The following DOCK1 variants were observed in gnomAD, a reference collection of about 807,000 sequenced individuals.
DOCK1 encodes the protein dedicator of cytokinesis 1, also known as dedicator of cytokinesis protein 1.
In DOCK1, 138 loss-of-function variants were observed where a neutral mutation model predicts 262.7. That is an observed-to-expected ratio of 0.53 (90% CI 0.46 to 0.61). The LOEUF is 0.61. Ranked by LOEUF, DOCK1 falls within the 20% of genes least tolerant of loss-of-function variation. The pLI, the probability that DOCK1 is intolerant of heterozygous loss-of-function variation, is 0.00. For synonymous variants in DOCK1, 866 were observed against 867.4 expected, an observed-to-expected ratio of 1.00 and a Z score of 0.03; for missense variants, 1,908 against 2,370.7, an observed-to-expected ratio of 0.80 and a Z score of 4.05.
At chr10:127,121,801 T>G (rs1378707557) in intron 25 of DOCK1, among the ~76,000 whole-genome samples, 1 of 152,228 alleles carries the variant, frequency 6.6e-6, no homozygotes, top group Non-Finnish European at 1.5e-5. Context: ...ATATTTGTAT[T>G]ATTGTTATTA....
intron 44 of DOCK1, 32 bp from the exon 45 acceptor site, chr10:127,418,333 G>A: frequency 6.4e-7 from 1 of 1,572,708 alleles, no homozygotes; most frequent in South Asian, 1.2e-5. Flanking sequence ...GCAGCTGTGG[G>A]GCTGACATCG....
At chr10:127,020,332 C>G (rs2042322127) in intron 13 of DOCK1, among the ~76,000 whole-genome samples, 1 of 152,114 alleles carries the variant, frequency 6.6e-6, no homozygotes, top group Admixed American at 6.5e-5. Flanking sequence ...TCCTCATGTT[C>G]AAAGGGAAAC....
chr10:127,197,179 T>C (rs1008974579), intron 27 of DOCK1, among the ~76,000 whole-genome samples: 3 of 152,038 alleles, frequency 2.0e-5, no homozygotes, highest in Admixed American at 6.5e-5. Context: ...CCTGGTAATG[T>C]TGCATGCTGA....
chr10:127,017,035 CCACA>C lies in DOCK1; in HGVS notation c.1202-1654_1202-1651del, dbSNP rs147295824. On this transcript the variant is annotated intron_variant, in intron 12 of 51. Transcript: ENST00000623213. ...AAACACAGATATGCAGATACAGATA[CCACA>C]CACACACACACACACACACAGATGC... Among the ~76,000 whole-genome samples, 375 of 108,294 alleles carry C rather than the reference CCACA, an allele frequency of 3.5e-3. 19 individuals carry two copies. Among genetic ancestry groups the C allele is most frequent in the South Asian group, 9.0e-3 (28 of 3,094 alleles). The allele number at this position is 108,294 out of a possible 152,430, so 71.0% of individuals were successfully genotyped here.
intron 1 of DOCK1, among the ~76,000 whole-genome samples, chr10:126,955,833 G>A (rs2036691250): frequency 6.6e-6 from 1 of 152,132 alleles, no homozygotes; most frequent in African/African-American, 2.4e-5. Flanking sequence ...GCTCTCTAGG[G>A]AAGGAAAATT....
In DOCK1 at chr10:127,024,791, T is replaced by C; in HGVS notation, c.1551+8T>C. On this transcript the variant is annotated splice_region_variant and intron_variant, in intron 15 of 51. Transcript: ENST00000623213. ...TGGTTTGAGACTGTTAAGGTATTAT[T>C]TACATGGTCATTTTATCACATGGCG... The C allele has an allele frequency of 1.3e-6, 2 of 1,591,448 alleles. No individual in the cohort carries two copies. Among genetic ancestry groups the C allele is most frequent in the Non-Finnish European group, 1.7e-6 (2 of 1,165,918 alleles).
At chr10:127,119,451 G>C (rs35716223) in intron 25 of DOCK1, among the ~76,000 whole-genome samples, 23,984 of 152,264 alleles carry the variant, frequency 0.16, 2,255 homozygotes, top group African/African-American at 0.26. Context: ...GTGGGGCTAA[G>C]GAGATGGCTC....
In DOCK1 at chr10:127,410,944, C is replaced by A; in HGVS notation, c.4428+20C>A. ...TTTGCGGTAAAAAACAAACAAACCA[C>A]CAAACCAAACAACAAAAAATATCAT... On this transcript the variant is annotated intron_variant, in intron 43 of 51. Transcript: ENST00000623213. The A allele has an allele frequency of 6.2e-7, 1 of 1,608,496 alleles. No homozygotes were observed. Among genetic ancestry groups the A allele is most frequent in the East Asian group, 2.2e-5 (1 of 44,798 alleles).
chr10:127,135,892 G>T (rs552732991), intron 27 of DOCK1: 1 of 152,656 alleles, frequency 6.6e-6, no homozygotes, highest in East Asian at 1.9e-4. Flanking sequence ...TAAGGAGAGA[G>T]AACTTGTTGG....
intron 29 of DOCK1, among the ~76,000 whole-genome samples, chr10:127,315,217 A>G (rs185753966): frequency 2.6e-4 from 39 of 152,288 alleles, no homozygotes; most frequent in South Asian, 8.3e-4. Flanking sequence ...ATAACACCTA[A>G]TGTACACAGA....
chr10:127,148,362 G>A (rs895622728), intron 27 of DOCK1, among the ~76,000 whole-genome samples: 3 of 152,218 alleles, frequency 2.0e-5, no homozygotes, highest in Non-Finnish European at 4.4e-5. Flanking sequence ...TTGACGAGAA[G>A]ATTCTAAATT....
intron 28 of DOCK1, among the ~76,000 whole-genome samples, chr10:127,256,413 C>T (rs980180966): frequency 3.3e-5 from 5 of 152,078 alleles, no homozygotes; most frequent in African/African-American, 1.2e-4. Flanking sequence ...AATATCCACT[C>T]ATTTGGCAAT....
intron 23 of DOCK1, among the ~76,000 whole-genome samples, chr10:127,083,709 C>G (rs1396404513): frequency 1.3e-5 from 2 of 152,126 alleles, no homozygotes; most frequent in Non-Finnish European, 2.9e-5. Context: ...CCAACAAATT[C>G]CTGCGATACA....
intron 4 of DOCK1, among the ~76,000 whole-genome samples, chr10:126,984,901 A>G (rs1337477482): frequency 6.6e-6 from 1 of 150,502 alleles, no homozygotes; most frequent in Non-Finnish European, 1.5e-5. Flanking sequence ...GGCCTGTTGA[A>G]CTTATTCCTT....
At chr10:127,249,108 C>T (rs2059531353) in intron 28 of DOCK1, among the ~76,000 whole-genome samples, 2 of 152,096 alleles carry the variant, frequency 1.3e-5, no homozygotes, top group Admixed American at 1.3e-4. Flanking sequence ...CTCATAGATA[C>T]CTGCAGAACA....
chr10:127,195,343 C>G (rs535376739), intron 27 of DOCK1, among the ~76,000 whole-genome samples: 9 of 152,188 alleles, frequency 5.9e-5, no homozygotes. Context: ...ACGCCTGTCC[C>G]GGTCTGACTC....
chr10:126,935,158 A>G (rs922023151), intron 1 of DOCK1, among the ~76,000 whole-genome samples: 22 of 152,240 alleles, frequency 1.4e-4, no homozygotes, highest in African/African-American at 3.1e-4. Flanking sequence ...CTATTATATC[A>G]TAACCACATA....
At chr10:127,101,801 C>T (rs1298869528) in intron 23 of DOCK1, among the ~76,000 whole-genome samples, 2 of 152,188 alleles carry the variant, frequency 1.3e-5, no homozygotes, top group Non-Finnish European at 2.9e-5. Flanking sequence ...TGATGCTTTG[C>T]TGGGCACAGT....
intron 33 of DOCK1, among the ~76,000 whole-genome samples, chr10:127,369,362 T>G (rs1165159488): frequency 6.6e-6 from 1 of 152,196 alleles, no homozygotes; most frequent in Non-Finnish European, 1.5e-5. Flanking sequence ...GGCTTCTGTT[T>G]CATTGAATCC....
Sources: gnomAD v4.1 joint callset for allele counts (sites outside exome capture counted in the v4.1 genomes callset) on GRCh38, gnomAD v4.1.1 for gene constraint, MANE v1.5 for transcripts, NCBI Gene and HGNC (gene_info 2026-07-23, HGNC 2026-07-21) for gene names.